Variants in KIAA1217 observed in about 807,000 individuals in gnomAD.
The protein encoded by KIAA1217 is KIAA1217.
In KIAA1217, 88 loss-of-function variants were observed where a neutral mutation model predicts 163.9. The observed-to-expected ratio is 0.54, with a 90% CI of 0.45 to 0.64. The LOEUF (loss-of-function observed/expected upper bound fraction) is 0.64, where lower values mean the gene tolerates loss of function less well. KIAA1217 is among the 30% of genes least tolerant of loss of function. KIAA1217 has a pLI of 0.00. For missense variants in KIAA1217, 2,372 were observed against 2,475.0 expected (o/e 0.96, Z 0.88); for synonymous variants, 903 against 923.1 (o/e 0.98, Z 0.39).
chr10:24,425,188 T>A (rs2059081034), intron 3 of KIAA1217, among the ~76,000 whole-genome samples: 1 of 152,216 alleles, frequency 6.6e-6, no homozygotes. Context: ...AAGTTGTCTT[T>A]GAAGATTATC....
chr10:23,776,712 G>C (rs1356597033), intron 1 of KIAA1217, among the ~76,000 whole-genome samples: 1 of 113,778 alleles, frequency 8.8e-6, no homozygotes, highest in Non-Finnish European at 1.7e-5. Context: ...ACAGAGTCTT[G>C]CTCTGTCACC....
intron 2 of KIAA1217, among the ~76,000 whole-genome samples, chr10:24,064,533 T>C (rs2060860837): frequency 6.6e-6 from 1 of 152,216 alleles, no homozygotes; most frequent in African/African-American, 2.4e-5. Flanking sequence ...TGTTGCTGGA[T>C]TCGGTTTGCC....
rs564870235 is a variant in KIAA1217, at chr10:24,419,961, C to A, written c.554-13034C>A. On this transcript the variant is annotated intron_variant, in intron 3 of 20. Transcript: ENST00000376454. Reference sequence around the variant, plus strand: ...GGTTCTAGTTCATAATTTGTTACCGCTGTTAACTGTTCCAATGTATCAATA... The same window carrying A: ...GGTTCTAGTTCATAATTTGTTACCGATGTTAACTGTTCCAATGTATCAATA... Among the ~76,000 whole-genome samples the A allele has an allele frequency of 4.6e-5, 7 of 152,118 alleles. No homozygotes were observed. The South Asian group carries it at 1.5e-3, about 32-fold the overall frequency.
intron 1 of KIAA1217, among the ~76,000 whole-genome samples, chr10:23,804,557 T>C (rs754954837): frequency 6.6e-6 from 1 of 152,264 alleles, no homozygotes; most frequent in Admixed American, 6.5e-5. Flanking sequence ...AATGCATACA[T>C]GGCCAGTATG....
intron 1 of KIAA1217, among the ~76,000 whole-genome samples, chr10:23,934,502 T>C (rs1278323657): frequency 1.8e-5 from 2 of 113,924 alleles, no homozygotes; most frequent in African/African-American, 8.8e-5. Flanking sequence ...ATTTTCTTTC[T>C]TTTCTTTTTT....
intron 1 of KIAA1217, among the ~76,000 whole-genome samples, chr10:23,947,390 T>C (rs1215679865): frequency 6.6e-6 from 1 of 152,220 alleles, no homozygotes; most frequent in Non-Finnish European, 1.5e-5. Context: ...CATTAGCCAA[T>C]TTCCCATTTC....
At chr10:23,988,653 G>C (rs1846085351) in intron 1 of KIAA1217, among the ~76,000 whole-genome samples, 1 of 152,108 alleles carries the variant, frequency 6.6e-6, no homozygotes, top group Non-Finnish European at 1.5e-5. Context: ...TCATTGTTAG[G>C]TTTTAAGATG....
At position 24,480,045 on chromosome 10, in the gene KIAA1217, C is replaced by T. The variant is rs767963873; in HGVS notation, c.1679+5985C>T. 9.2e-5 allele frequency among the ~76,000 whole-genome samples: 14 copies of T among 152,220 alleles called. 1 individual carries two copies. The highest frequency in any genetic ancestry group is 2.0e-4 in the Admixed American group (3 of 15,280). On this transcript the variant is annotated intron_variant, in intron 6 of 20. Transcript: ENST00000376454. ...TAGTGGGGACAAACCATATCCAAACCGTAGCAGATGTTTAGCAGCATCTCT... is the reference window on the plus strand; with the variant it reads ...TAGTGGGGACAAACCATATCCAAACTGTAGCAGATGTTTAGCAGCATCTCT...
intron 2 of KIAA1217, among the ~76,000 whole-genome samples, chr10:24,255,061 G>A (rs138577864): frequency 6.6e-6 from 1 of 152,150 alleles, no homozygotes; most frequent in East Asian, 1.9e-4. Flanking sequence ...CACCATGTTG[G>A]CCAGGCTGGT....
At chr10:24,401,186 T>C (rs1237380928) in intron 3 of KIAA1217, among the ~76,000 whole-genome samples, 1 of 112,052 alleles carries the variant, frequency 8.9e-6, no homozygotes, top group Non-Finnish European at 1.5e-5. Context: ...CATCAACCAA[T>C]ATATATATAT....
intron 2 of KIAA1217, among the ~76,000 whole-genome samples, chr10:24,120,250 A>G (rs2063228633): frequency 6.6e-6 from 1 of 152,178 alleles, no homozygotes; most frequent in Non-Finnish European, 1.5e-5. Flanking sequence ...GTCCAAGGGT[A>G]AAGTCCCACT....
At chr10:24,143,209 T>A (rs999828140) in intron 2 of KIAA1217, among the ~76,000 whole-genome samples, 38 of 152,194 alleles carry the variant, frequency 2.5e-4, no homozygotes, top group Non-Finnish European at 8.8e-5. Context: ...CCAGAGACCC[T>A]CTGGACACCA....
intron 2 of KIAA1217, among the ~76,000 whole-genome samples, chr10:24,265,312 C>T (rs999829118): frequency 1.2e-4 from 18 of 152,210 alleles, no homozygotes; most frequent in Admixed American, 8.5e-4. Flanking sequence ...AAATAACAAT[C>T]GTCTTCATAA....
chr10:24,033,993 G>C (rs1412656500), intron 2 of KIAA1217, among the ~76,000 whole-genome samples: 1 of 152,156 alleles, frequency 6.6e-6, no homozygotes, highest in Non-Finnish European at 1.5e-5. Flanking sequence ...TCTTAAGGAA[G>C]GACCAAGTAA....
At chr10:23,828,969 C>T (rs1440246878) in intron 1 of KIAA1217, among the ~76,000 whole-genome samples, 1 of 152,088 alleles carries the variant, frequency 6.6e-6, no homozygotes, top group African/African-American at 2.4e-5. Context: ...ATATAAAATG[C>T]CCCAGATTAA....
intron 1 of KIAA1217, among the ~76,000 whole-genome samples, chr10:23,752,038 C>T (rs1839766080): frequency 6.6e-6 from 1 of 152,190 alleles, no homozygotes; most frequent in South Asian, 2.1e-4. Flanking sequence ...GAGCAATCCA[C>T]CCTCATGTTA....
chr10:24,394,156 C>T (rs1353562196), intron 3 of KIAA1217, among the ~76,000 whole-genome samples: 1 of 152,212 alleles, frequency 6.6e-6, no homozygotes, highest in Non-Finnish European at 1.5e-5. Flanking sequence ...TCTCAAGCCC[C>T]ATCCTCAAAT....
At chr10:24,371,153 A>G (rs1198131284) in intron 2 of KIAA1217, among the ~76,000 whole-genome samples, 1 of 152,136 alleles carries the variant, frequency 6.6e-6, no homozygotes, top group Non-Finnish European at 1.5e-5. Context: ...AGTAGAGTTT[A>G]TGTCATGTTA....
At chr10:23,732,355 C>A (rs1838523309) in intron 1 of KIAA1217, among the ~76,000 whole-genome samples, 1 of 151,492 alleles carries the variant, frequency 6.6e-6, no homozygotes, top group African/African-American at 2.4e-5. Context: ...TCAAAAAAAC[C>A]CAAAACAACA....
Sources: gnomAD v4.1 joint callset for allele counts (sites outside exome capture counted in the v4.1 genomes callset) on GRCh38, gnomAD v4.1.1 for gene constraint, MANE v1.5 for transcripts, NCBI Gene and HGNC (gene_info 2026-07-23, HGNC 2026-07-21) for gene names.